The following RBMS1 variants were observed in gnomAD, a reference collection of about 807,000 sequenced individuals.
RBMS1 encodes RNA binding motif single stranded interacting protein 1.
Under a neutral mutation model 62.3 loss-of-function variants are expected in RBMS1, and 17 were observed. The observed-to-expected ratio is 0.27, with a 90% CI of 0.19 to 0.41. The LOEUF is 0.41. Among genes scored for constraint, RBMS1 ranks in the 10% least tolerant of loss-of-function variants. RBMS1 has a pLI of 1.00. For synonymous variants in RBMS1, 172 were observed against 170.0 expected (o/e 1.01, Z -0.09); for missense variants, 334 against 504.5 (o/e 0.66, Z 3.24).
At chr2:160,335,133 G>A (rs1412454204) in intron 2 of RBMS1, among the ~76,000 whole-genome samples, 2 of 152,144 alleles carry the variant, frequency 1.3e-5, no homozygotes, top group Non-Finnish European at 1.5e-5. Context: ...ATGATTCCTG[G>A]AGAAATGGCA....
chr2:160,332,197 T>C (rs1315321881), intron 2 of RBMS1, among the ~76,000 whole-genome samples: 1 of 152,160 alleles, frequency 6.6e-6, no homozygotes, highest in Non-Finnish European at 1.5e-5. Context: ...ATATCCCTGC[T>C]TTGAAAGAGG....
chr2:160,434,067 T>C (rs1683016441), intron 1 of RBMS1, among the ~76,000 whole-genome samples: 1 of 152,218 alleles, frequency 6.6e-6, no homozygotes, highest in African/African-American at 2.4e-5. Context: ...GGATTAGAAA[T>C]TGTGTTTAAA....
At chr2:160,370,769 GCTGA>G (rs1220307911) in intron 1 of RBMS1, among the ~76,000 whole-genome samples, 20 of 152,084 alleles carry the variant, frequency 1.3e-4, no homozygotes, top group Non-Finnish European at 1.8e-4. Context: ...CATCATTTTT[GCTGA>G]CTAATTACCA....
chr2:160,457,766 A>G (rs1684300325), intron 1 of RBMS1, among the ~76,000 whole-genome samples: 1 of 151,896 alleles, frequency 6.6e-6, no homozygotes, highest in Non-Finnish European at 1.5e-5. Context: ...CTGCCTATGC[A>G]CTAACAGGTG....
At chr2:160,318,345 C>A in intron 2 of RBMS1, 118 bp from the exon 3 acceptor site, 1 of 1,358,548 alleles carries the variant, frequency 7.4e-7, no homozygotes, top group Non-Finnish European at 9.6e-7. Context: ...CATCTGCAAA[C>A]TTTAGAGTAC....
intron 1 of RBMS1, among the ~76,000 whole-genome samples, chr2:160,479,308 C>T (rs1034176983): frequency 1.3e-5 from 2 of 152,224 alleles, no homozygotes; most frequent in East Asian, 1.9e-4. Flanking sequence ...CTGGGCTACC[C>T]AGCTCATCTA....
chr2:160,288,707 C>T (rs1227757792), intron 6 of RBMS1, among the ~76,000 whole-genome samples: 3 of 152,098 alleles, frequency 2.0e-5, no homozygotes, highest in East Asian at 3.9e-4. Context: ...CACATAATCT[C>T]GTAGAGCAAG....
chr2:160,489,809 A>AT (rs1685747832), intron 1 of RBMS1, among the ~76,000 whole-genome samples: 1 of 152,146 alleles, frequency 6.6e-6, no homozygotes. Flanking sequence ...TTTTATAGAA[A>AT]TATATTCTTA....
rs1684270935 is a variant in RBMS1 at position 160,457,123 on chromosome 2, A to T, written c.75+36166T>A. Among the ~76,000 whole-genome samples the T allele has an allele frequency of 3.7e-5, 4 of 108,432 alleles. No homozygotes were observed. The Admixed American group carries it at 4.9e-4, about 13-fold the overall frequency. 71.1% of individuals were successfully genotyped at this position (108,432 alleles called of 152,430 possible). On this transcript the variant is annotated intron_variant, in intron 1 of 13. Coordinates refer to ENST00000348849, the MANE Select transcript of RBMS1 (RefSeq NM_016836.4). ...TGTTTATTTTATTTTTATTTATTTA[A>T]TTAATTTATTTATTTATTTATTTTT...
intron 2 of RBMS1, among the ~76,000 whole-genome samples, chr2:160,357,113 G>C (rs552861352): frequency 6.6e-6 from 1 of 151,964 alleles, no homozygotes; most frequent in African/African-American, 2.4e-5. Context: ...TTCGTATAAT[G>C]GTTAAATATC....
chr2:160,280,537 T>C (rs1240198265), intron 10 of RBMS1, among the ~76,000 whole-genome samples: 1 of 152,188 alleles, frequency 6.6e-6, no homozygotes, highest in Non-Finnish European at 1.5e-5. Flanking sequence ...TACAGTTCTT[T>C]TTCTAAGCAA....
rs186879656 is a variant in RBMS1 at position 160,345,588 on chromosome 2, C to T, written c.251+21628G>A. ...AACTGGTAGGTCCAAGGTCCGAAGT[C>T]AGGTCATCTGTTTCTAAACTGACTC... On this transcript the variant is annotated intron_variant, in intron 2 of 13. Coordinates refer to ENST00000348849, the MANE Select transcript of RBMS1 (RefSeq NM_016836.4). Among the ~76,000 whole-genome samples the T allele has an allele frequency of 6.1e-4, 93 of 152,296 alleles. No homozygotes were observed. In the Middle Eastern group the frequency reaches 0.01, roughly 17 times the overall value.
intron 1 of RBMS1, among the ~76,000 whole-genome samples, chr2:160,398,813 C>T (rs141262413): frequency 1.3e-5 from 2 of 152,200 alleles, no homozygotes; most frequent in Non-Finnish European, 2.9e-5. Flanking sequence ...TAGAAGCCTA[C>T]GATGGTCTAT....
chr2:160,310,562 A>C (rs767977346), intron 4 of RBMS1, among the ~76,000 whole-genome samples: 2 of 152,204 alleles, frequency 1.3e-5, no homozygotes, highest in Admixed American at 6.5e-5. Context: ...GAAACGAAAG[A>C]AGCTTGGGGA....
At chr2:160,462,677 C>T (rs758290904) in intron 1 of RBMS1, among the ~76,000 whole-genome samples, 5 of 152,110 alleles carry the variant, frequency 3.3e-5, no homozygotes, top group Admixed American at 6.5e-5. Context: ...AGCGCAATCT[C>T]GGCTCACTGC....
In RBMS1 at chr2:160,303,370, G is replaced by A. The variant is rs756517845; in HGVS notation, c.520C>T (p.Arg174Cys). 5 of 1,613,182 alleles carry A rather than the reference G, an allele frequency of 3.1e-6. No individual in the cohort carries two copies. The highest frequency in any genetic ancestry group is 2.7e-5 in the African/African-American group (2 of 74,858). The change falls in exon 5 of 14, where the codon CGT (arginine) becomes TGT (cysteine). Residue 174 changes from arginine to cysteine, a missense_variant. Arg to Cys is a radical substitution (Grantham distance 180). Coordinates refer to ENST00000348849, the MANE Select transcript of RBMS1 (RefSeq NM_016836.4). ...CCACGACTTGTACCACTGGAATCAC[G>A]TAGTATCCTTGTAGAAATAACTTGT... Reference protein sequence around the residue: ...FGQVISTRILRDSSGTSRGVG... With the variant: ...FGQVISTRILCDSSGTSRGVG...
intron 2 of RBMS1, among the ~76,000 whole-genome samples, chr2:160,357,664 T>C (rs6718526): frequency 0.83 from 126,883 of 152,102 alleles, 53,108 homozygotes; most frequent in African/African-American, 0.87. Flanking sequence ...GAGAGCACGT[T>C]ATGAAGCCAG....
At chr2:160,438,918 G>A (rs1683246936) in intron 1 of RBMS1, among the ~76,000 whole-genome samples, 1 of 151,500 alleles carries the variant, frequency 6.6e-6, no homozygotes, top group Non-Finnish European at 1.5e-5. Context: ...TCCTGGACGG[G>A]GCGGCTGGCC....
At chr2:160,286,361 C>T (rs1688397220) in intron 7 of RBMS1, among the ~76,000 whole-genome samples, 6 of 146,848 alleles carry the variant, frequency 4.1e-5, no homozygotes, top group Admixed American at 4.1e-4. Flanking sequence ...GCTCTGTTGC[C>T]CAGGCTGGAG....
Sources: allele counts gnomAD v4.1 joint callset (sites outside exome capture counted in the v4.1 genomes callset), GRCh38; gene constraint gnomAD v4.1.1; transcripts MANE v1.5; gene names NCBI Gene and HGNC (gene_info 2026-07-23, HGNC 2026-07-21).